Variants in ATAD2B observed in about 807,000 individuals in gnomAD.
ATAD2B encodes ATPase family AAA domain containing 2B.
A neutral mutation model predicts 167.6 loss-of-function variants in ATAD2B; 40 were observed. The ratio of observed to expected loss-of-function variants is 0.24; its 90% CI spans 0.19 to 0.31. ATAD2B has a LOEUF of 0.31. ATAD2B is among the 10% of genes least tolerant of loss of function. The pLI is 1.00. For missense variants in ATAD2B, 1,242 were observed against 1,757.2 expected (o/e 0.71, Z 5.24); for synonymous variants, 579 against 596.5 (o/e 0.97, Z 0.43).
rs749163801 is a variant in ATAD2B, at chr2:23,757,622, C to T, written c.3874G>A (p.Val1292Ile). 6.2e-7 allele frequency: 1 copy of T among 1,613,890 alleles called. No homozygotes were observed. Among genetic ancestry groups the T allele is most frequent in the African/African-American group, 1.3e-5 (1 of 75,052 alleles). ...VLECQNGKLE[V>I]VSFCDSGDKC... ...TCTCCACTATCACAGAAAGAAACTACTTCAAGCTTGCCATTCTGACATTCC... is the reference window on the plus strand; with the variant it reads ...TCTCCACTATCACAGAAAGAAACTATTTCAAGCTTGCCATTCTGACATTCC... Residue 1292 changes from valine to isoleucine, a missense_variant, in exon 25 of 28, where the codon GTA becomes ATA. This residue lies in a region of ATAD2B where 282 missense variants were observed against 346.8 expected (regional missense o/e 0.81). Transcript: ENST00000238789.
intron 15 of ATAD2B, 149 bp downstream of exon 15, chr2:23,828,700 C>T (rs1688602696): frequency 3.8e-6 from 2 of 526,538 alleles, no homozygotes; most frequent in Middle Eastern, 4.0e-4. Context: ...TTAAGTGAAA[C>T]AGTCAAAATA....
chr2:23,881,745 T>C (rs953565283), intron 6 of ATAD2B, among the ~76,000 whole-genome samples: 1 of 152,064 alleles, frequency 6.6e-6, no homozygotes, highest in Non-Finnish European at 1.5e-5. Context: ...TTTTTTGAGA[T>C]GGAGTTTTGC....
chr2:23,808,170 GAT>G (rs1491304929), intron 18 of ATAD2B, among the ~76,000 whole-genome samples: 1 of 57,450 alleles, frequency 1.7e-5, no homozygotes, highest in Non-Finnish European at 3.5e-5. Context: ...ATATATAAGT[GAT>G]ATATATTTAT....
chr2:23,791,468 CTTTT>C (rs34442242), intron 19 of ATAD2B, among the ~76,000 whole-genome samples: 1 of 139,370 alleles, frequency 7.2e-6, no homozygotes, highest in Non-Finnish European at 1.6e-5. Context: ...TGCAAAAGCA[CTTTT>C]TTTTTTTTTT....
chr2:23,686,080 G>A, the ATAD2B span, among the ~76,000 whole-genome samples: 9 of 152,196 alleles, frequency 5.9e-5, no homozygotes, highest in Admixed American at 4.6e-4. Flanking sequence ...AAGTAGTGAA[G>A]GCTTCTTGGG....
intron 27 of ATAD2B, 50 bp from the exon 28 acceptor site, chr2:23,752,137 T>C (rs1415986457): frequency 4.6e-6 from 6 of 1,302,634 alleles, no homozygotes; most frequent in Admixed American, 2.1e-5. Flanking sequence ...AAGACAAAAG[T>C]GTTCCTCATT....
intron 5 of ATAD2B, among the ~76,000 whole-genome samples, chr2:23,885,123 C>T (rs900115822): frequency 1.3e-5 from 2 of 151,978 alleles, no homozygotes; most frequent in African/African-American, 4.8e-5. Context: ...CAAATTACAG[C>T]CTAGTAGGAG....
the ATAD2B span, among the ~76,000 whole-genome samples, chr2:23,714,239 C>CT: frequency 0.022 from 3,050 of 136,480 alleles, 53 homozygotes; most frequent in Admixed American, 0.039. Flanking sequence ...TCTCAAAATA[C>CT]TTTTTTTTTT....
At chr2:23,769,025 C>T (rs1225429823) in intron 22 of ATAD2B, among the ~76,000 whole-genome samples, 1 of 152,168 alleles carries the variant, frequency 6.6e-6, no homozygotes, top group Non-Finnish European at 1.5e-5. Context: ...TGGGTTAATA[C>T]TAAGGGGTGG....
chr2:23,923,877 GTAGT>G (rs1398647929), intron 1 of ATAD2B, among the ~76,000 whole-genome samples: 2 of 152,150 alleles, frequency 1.3e-5, no homozygotes, highest in African/African-American at 4.8e-5. Context: ...GGCATCAAGT[GTAGT>G]TAGTTAAGAA....
chr2:23,733,102 T>TA, the ATAD2B span, among the ~76,000 whole-genome samples: 1 of 152,222 alleles, frequency 6.6e-6, no homozygotes. Context: ...TCACCACCCC[T>TA]ACCATCTCCA....
chr2:23,726,820 G>A, the ATAD2B span, among the ~76,000 whole-genome samples: 2 of 152,142 alleles, frequency 1.3e-5, no homozygotes, highest in Non-Finnish European at 2.9e-5. Context: ...TGTGTAATGA[G>A]TACAAAGCTT....
At chr2:23,727,080 C>T in the ATAD2B span, among the ~76,000 whole-genome samples, 2 of 151,808 alleles carry the variant, frequency 1.3e-5, no homozygotes, top group African/African-American at 4.8e-5. Context: ...TTTCTAAAAG[C>T]AATCTACTTG....
At chr2:23,741,770 T>G in the ATAD2B span, among the ~76,000 whole-genome samples, 3 of 152,112 alleles carry the variant, frequency 2.0e-5, no homozygotes, top group Non-Finnish European at 4.4e-5. Context: ...ACAGGCAACC[T>G]ACAGAATGGG....
the ATAD2B span, among the ~76,000 whole-genome samples, chr2:23,678,928 G>T: frequency 4.5e-4 from 69 of 152,106 alleles, no homozygotes; most frequent in African/African-American, 1.6e-3. Context: ...GGGAGTGGTT[G>T]TTTAATGGGT....
At chr2:23,824,729 C>T (rs1687979930) in intron 15 of ATAD2B, among the ~76,000 whole-genome samples, 1 of 152,178 alleles carries the variant, frequency 6.6e-6, no homozygotes. Context: ...TAAGTCATTT[C>T]ATTCATCTGA....
At chr2:23,925,379 C>A (rs1224608231) in intron 1 of ATAD2B, among the ~76,000 whole-genome samples, 2 of 152,182 alleles carry the variant, frequency 1.3e-5, no homozygotes, top group African/African-American at 4.8e-5. Flanking sequence ...CTGCCTAGAT[C>A]CATTCTGTTA....
In ATAD2B at chr2:23,920,762, C is replaced by G. The variant is rs933182471; in HGVS notation, c.216+5793G>C. Among the ~76,000 whole-genome samples, 4 of 152,138 alleles carry G rather than the reference C, an allele frequency of 2.6e-5. No homozygotes were observed. In the South Asian group the frequency reaches 8.3e-4, roughly 31 times the overall value. ...AAGTTAACACATACATGATTCCCCC[C>G]CAACTTTGTACTTCCATGTAACTTT... is the stretch of plus-strand genomic sequence containing the variant. On this transcript the variant is annotated intron_variant, in intron 1 of 27. Coordinates refer to ENST00000238789, the MANE Select transcript of ATAD2B (RefSeq NM_017552.4).
intron 13 of ATAD2B, among the ~76,000 whole-genome samples, chr2:23,849,641 T>A (rs1248697276): frequency 6.6e-6 from 1 of 152,122 alleles, no homozygotes; most frequent in East Asian, 1.9e-4. Context: ...CCAGCCTAGC[T>A]AACATGGTGA....
Sources: allele counts gnomAD v4.1 joint callset (sites outside exome capture counted in the v4.1 genomes callset), GRCh38; gene constraint gnomAD v4.1.1; regional missense constraint gnomAD v4.1.1; transcripts MANE v1.5; gene names NCBI Gene and HGNC (gene_info 2026-07-23, HGNC 2026-07-21).